Variants in IL34 observed in about 807,000 individuals in gnomAD.
IL34 encodes interleukin-34.
A neutral mutation model predicts 25.3 loss-of-function variants in IL34; 17 were observed. The observed-to-expected ratio is 0.67, with a 90% CI of 0.46 to 1.01. The LOEUF is 1.01. IL34 is among the 50% of genes least tolerant of loss of function. IL34 has a pLI of 0.00. For missense variants in IL34, 368 were observed against 312.9 expected (o/e 1.18, Z -1.33); for synonymous variants, 174 against 140.9 (o/e 1.23, Z -1.66).
At chr16:70,600,001 C>T (rs1027129450) in intron 1 of IL34, among the ~76,000 whole-genome samples, 4 of 152,066 alleles carry the variant, frequency 2.6e-5, no homozygotes, top group African/African-American at 9.7e-5. Context: ...CCAAGTCCCT[C>T]TGTAGTCTGG....
chr16:70,637,647 G>A (rs2051686454), intron 1 of IL34, among the ~76,000 whole-genome samples: 1 of 152,130 alleles, frequency 6.6e-6, no homozygotes, highest in Non-Finnish European at 1.5e-5. Context: ...GCCTGGCCAA[G>A]TTAATTTCTA....
intron 1 of IL34, among the ~76,000 whole-genome samples, chr16:70,619,897 G>A (rs1442858155): frequency 6.6e-6 from 1 of 152,210 alleles, no homozygotes; most frequent in Non-Finnish European, 1.5e-5. Context: ...GGCATTCCTT[G>A]GCCCAGTGGC....
chr16:70,640,817 A>G (rs2051764086), intron 1 of IL34, among the ~76,000 whole-genome samples: 1 of 152,242 alleles, frequency 6.6e-6, no homozygotes, highest in South Asian at 2.1e-4. Flanking sequence ...TTCACCTCCC[A>G]AAATTCCCCT....
intron 1 of IL34, among the ~76,000 whole-genome samples, chr16:70,595,802 A>C (rs1281254905): frequency 6.6e-6 from 1 of 151,926 alleles, no homozygotes; most frequent in Non-Finnish European, 1.5e-5. Context: ...ACTTGAGGTC[A>C]AGAGTTCGAG....
chr16:70,632,423 T>G (rs1340166171), intron 1 of IL34, among the ~76,000 whole-genome samples: 1 of 152,200 alleles, frequency 6.6e-6, no homozygotes, highest in East Asian at 1.9e-4. Flanking sequence ...TGTAGGTGTT[T>G]AGCCTATAGG....
chr16:70,656,466 C>T, intron 2 of IL34, 136 bp from the exon 3 acceptor site: 1 of 687,218 alleles, frequency 1.5e-6, no homozygotes, highest in Non-Finnish European at 2.6e-6. Context: ...CTTCCGTGAG[C>T]CATGATGCTG....
intron 1 of IL34, among the ~76,000 whole-genome samples, chr16:70,604,836 C>T (rs968416710): frequency 6.6e-6 from 1 of 152,144 alleles, no homozygotes; most frequent in Non-Finnish European, 1.5e-5. Flanking sequence ...AAGGTAGCCC[C>T]TTGGAGAGGC....
At chr16:70,635,212 G>A (rs1461356814) in intron 1 of IL34, among the ~76,000 whole-genome samples, 6 of 152,290 alleles carry the variant, frequency 3.9e-5, no homozygotes, top group East Asian at 3.9e-4. Flanking sequence ...CAAGGGTAAC[G>A]TGGAGGGCCC....
chr16:70,626,502 T>C (rs578106330), intron 1 of IL34, among the ~76,000 whole-genome samples: 2 of 152,298 alleles, frequency 1.3e-5, no homozygotes, highest in Admixed American at 1.3e-4. Context: ...GTTCAAGTGA[T>C]TGTCCTGCCT....
intron 1 of IL34, among the ~76,000 whole-genome samples, chr16:70,652,473 GA>G (rs2052105050): frequency 6.6e-6 from 1 of 152,102 alleles, no homozygotes; most frequent in Non-Finnish European, 1.5e-5. Flanking sequence ...AGAAAAACAT[GA>G]AAAAATCTCC....
intron 1 of IL34, among the ~76,000 whole-genome samples, chr16:70,634,476 T>C (rs1028787112): frequency 5.9e-5 from 9 of 151,924 alleles, no homozygotes; most frequent in Non-Finnish European, 1.2e-4. Context: ...GGTCAGGAGT[T>C]CGAGACCAGC....
intron 1 of IL34, among the ~76,000 whole-genome samples, chr16:70,606,166 A>G (rs2051001139): frequency 6.6e-6 from 1 of 151,878 alleles, no homozygotes; most frequent in Non-Finnish European, 1.5e-5. Context: ...GGAGGCCAAG[A>G]CAGATGGATT....
At chr16:70,642,188 C>G (rs1053886185), upstream of IL34, among the ~76,000 whole-genome samples, 4 of 151,990 alleles carry the variant, frequency 2.6e-5, no homozygotes, top group Non-Finnish European at 4.4e-5. Flanking sequence ...AGATGGCCAC[C>G]TTCTCACTAT....
At chr16:70,584,387 T>C (rs11643373) in intron 1 of IL34, among the ~76,000 whole-genome samples, 72,963 of 152,024 alleles carry the variant, frequency 0.48, 17,986 homozygotes, top group South Asian at 0.66. Context: ...ATCCTTTCCA[T>C]ACTGGGGGAT....
chr16:70,659,840 C>T (rs1161025271), intron 5 of IL34, 87 bp downstream of exon 5: 2 of 1,513,612 alleles, frequency 1.3e-6, no homozygotes, highest in African/African-American at 2.8e-5. Flanking sequence ...TGGCGTCCTC[C>T]CGGGCATATC....
rs199611570 is a variant in IL34 at position 70,625,338 on chromosome 16, G to C, written c.-400-21210G>C. ...ACCCTCCAGAAAAGTGGGAAGGGGGGTCGGGGCATGGAAATAAGGGATTGG... is the reference window on the plus strand; with the variant it reads ...ACCCTCCAGAAAAGTGGGAAGGGGGCTCGGGGCATGGAAATAAGGGATTGG... On this transcript the variant is annotated intron_variant, in intron 1 of 6. Transcript: ENST00000429149. Among the ~76,000 whole-genome samples the C allele has an allele frequency of 3.6e-4, 54 of 152,012 alleles. No individual in the cohort carries two copies. The East Asian group carries it at 9.1e-3, about 26-fold the overall frequency.
Position 70,605,820 on chromosome 16 carries a change from G to A in IL34, c.-401+25771G>A, listed in dbSNP as rs1013535795. On this transcript the variant is annotated intron_variant, in intron 1 of 6. Coordinates refer to the IL34 transcript ENST00000429149. ...TGAGTAGCCGGGATTACAGGTGCCC[G>A]TCACCACGCCCACCTAATTTTTTGT... is the stretch of plus-strand genomic sequence containing the variant. 2.6e-5 allele frequency among the ~76,000 whole-genome samples: 4 copies of A among 151,876 alleles called. No individual in the cohort carries two copies. In the South Asian group the frequency reaches 6.2e-4, roughly 24 times the overall value.
At chr16:70,641,727 C>T (rs113907020), upstream of IL34, among the ~76,000 whole-genome samples, 1,492 of 151,878 alleles carry the variant, frequency 9.8e-3, 12 homozygotes, top group South Asian at 0.02. Context: ...CCTCCTTGTC[C>T]GGCTAATTTT....
chr16:70,649,738 C>T (rs971321057), intron 1 of IL34, among the ~76,000 whole-genome samples: 26 of 152,276 alleles, frequency 1.7e-4, no homozygotes, highest in Admixed American at 1.3e-3. Context: ...AAGGGAGTAC[C>T]GTACTCACAC....
Sources: allele counts gnomAD v4.1 joint callset (sites outside exome capture counted in the v4.1 genomes callset), GRCh38; gene constraint gnomAD v4.1.1; transcripts MANE v1.5; gene names NCBI Gene and HGNC (gene_info 2026-07-23, HGNC 2026-07-21).